Variants in MAGI3 observed in about 807,000 individuals in gnomAD.
MAGI3 encodes the protein membrane-associated guanylate kinase, WW and PDZ domain-containing protein 3.
Under a neutral mutation model 121.8 loss-of-function variants are expected in MAGI3, and 43 were observed. The observed-to-expected ratio is 0.35, with a 90% confidence interval of 0.28 to 0.46. MAGI3 has a LOEUF of 0.46. Ranked by LOEUF, MAGI3 falls within the 20% of genes least tolerant of loss-of-function variation. MAGI3 has a pLI of 1.00. For missense variants in MAGI3, 1,547 were observed against 1,797.3 expected (o/e 0.86, Z 2.52); for synonymous variants, 553 against 639.3 (o/e 0.86, Z 2.04).
chr1:113,550,778 C>T (rs1024008031), intron 2 of MAGI3, among the ~76,000 whole-genome samples: 1 of 148,148 alleles, frequency 6.8e-6, no homozygotes, highest in African/African-American at 2.5e-5. Context: ...AAGAAAAAAA[C>T]GAAAAAAAAT....
chr1:113,542,341 A>G lies in MAGI3; in HGVS notation c.317-7174A>G, dbSNP rs527341018. Among the ~76,000 whole-genome samples, 222 of 79,944 alleles carry G rather than the reference A, an allele frequency of 2.8e-3. 4 individuals carry two copies. Among genetic ancestry groups the G allele is most frequent in the Non-Finnish European group, 9.6e-4 (28 of 29,070 alleles). The allele number at this position is 79,944 out of a possible 152,430, so 52.4% of individuals were successfully genotyped here. On this transcript the variant is annotated intron_variant, in intron 1 of 20. Coordinates refer to ENST00000307546, the MANE Select transcript of MAGI3 (RefSeq NM_001142782.2). ...CCCAGGCGGGATGGAACAGGACGGT[A>G]TGGGAGTTGAGTTCATTGCAGCACT...
Position 113,683,250 on chromosome 1 carries a change from G to A in MAGI3, c.3682G>A (p.Ala1228Thr). 6.2e-7 allele frequency: 1 copy of A among 1,613,092 alleles called. No individual in the cohort carries two copies. The highest frequency in any genetic ancestry group is 1.1e-5 in the South Asian group (1 of 90,816). Residue 1228 changes from alanine (A) to threonine (T), a missense_variant, in exon 21 of 21, where the codon GCC becomes ACC. Ala to Thr is a moderately conservative substitution (Grantham distance 58). Coordinates refer to ENST00000307546, the MANE Select transcript of MAGI3 (RefSeq NM_001142782.2). ...TAGATCGGTTAGTCCCAAAAAGCCA[G>A]CCAGTCAACATTCAGAGGAACATTT... ...RGRSVSPKKP[A>T]SQHSEEHLDK...
intron 1 of MAGI3, among the ~76,000 whole-genome samples, chr1:113,510,461 T>G (rs1657560974): frequency 6.6e-6 from 1 of 151,954 alleles, no homozygotes; most frequent in South Asian, 2.1e-4. Context: ...ACCAAATATC[T>G]GTTTGGTCTT....
At position 113,599,503 on chromosome 1, in the gene MAGI3, C is replaced by A. The variant is rs201531005; in HGVS notation, c.1018+4943C>A. Among the ~76,000 whole-genome samples, 277 of 152,248 alleles carry A rather than the reference C, an allele frequency of 1.8e-3. 3 individuals carry two copies. The East Asian group carries it at 0.037, about 20-fold the overall frequency. On this transcript the variant is annotated intron_variant, in intron 6 of 20. Coordinates refer to ENST00000307546, the MANE Select transcript of MAGI3 (RefSeq NM_001142782.2). The stretch of plus-strand genomic sequence containing the variant: ...GGATAAATTCCTCGACACATACACC[C>A]TCCCAAGACTAAACCAGGAAGAAGT...
chr1:113,673,097 T>C (rs1647662225), intron 18 of MAGI3, among the ~76,000 whole-genome samples: 2 of 152,240 alleles, frequency 1.3e-5, no homozygotes, highest in Non-Finnish European at 2.9e-5. Flanking sequence ...GATTGTTGCA[T>C]TGCACATTGA....
At chr1:113,650,817 A>C (rs1412884781) in intron 13 of MAGI3, among the ~76,000 whole-genome samples, 197 bp from the exon 14 acceptor site, 2 of 152,212 alleles carry the variant, frequency 1.3e-5, no homozygotes, top group Non-Finnish European at 1.5e-5. Context: ...ATAAGGGATT[A>C]CATAATACAA....
chr1:113,671,855 T>C lies in MAGI3; in HGVS notation c.2918+19T>C. On this transcript the variant is annotated intron_variant, in intron 17 of 20. Coordinates refer to ENST00000307546, the MANE Select transcript of MAGI3 (RefSeq NM_001142782.2). ...GGGACAGGTGGGGCTATTTTCAGGTTTTTGTTTTTGTTTTTTTCTTATTCT... is the reference window on the plus strand; with the variant it reads ...GGGACAGGTGGGGCTATTTTCAGGTCTTTGTTTTTGTTTTTTTCTTATTCT... The C allele has an allele frequency of 1.2e-6, 2 of 1,606,774 alleles. No homozygotes were observed. The highest frequency in any genetic ancestry group is 1.7e-6 in the Non-Finnish European group (2 of 1,173,844).
At chr1:113,556,462 T>C (rs1007205437) in intron 2 of MAGI3, among the ~76,000 whole-genome samples, 2 of 151,990 alleles carry the variant, frequency 1.3e-5, no homozygotes, top group African/African-American at 4.8e-5. Flanking sequence ...AGTGAGACTC[T>C]GTCACTACAA....
chr1:113,513,061 C>A (rs374296584), intron 1 of MAGI3, among the ~76,000 whole-genome samples: 13 of 152,194 alleles, frequency 8.5e-5, no homozygotes, highest in East Asian at 3.9e-4. Flanking sequence ...TAGGAATCCA[C>A]CTTACAAGGG....
intron 6 of MAGI3, 37 bp downstream of exon 6, chr1:113,594,597 T>C (rs1448465362): frequency 6.5e-7 from 1 of 1,528,382 alleles, no homozygotes; most frequent in South Asian, 1.2e-5. Context: ...ATACTTATTC[T>C]CTTAATCCTT....
chr1:113,444,769 A>G (rs979451112), intron 1 of MAGI3, among the ~76,000 whole-genome samples: 3 of 152,204 alleles, frequency 2.0e-5, no homozygotes, highest in African/African-American at 7.2e-5. Flanking sequence ...CTCTTCCTGA[A>G]AAAGACCTCA....
intron 1 of MAGI3, among the ~76,000 whole-genome samples, chr1:113,431,918 G>A (rs1653318983): frequency 8.7e-6 from 1 of 114,744 alleles, no homozygotes; most frequent in Admixed American, 8.5e-5. Context: ...TTAGGGAGCA[G>A]GCACTTGATC....
intron 6 of MAGI3, among the ~76,000 whole-genome samples, chr1:113,599,117 G>A (rs944727017): frequency 3.3e-5 from 5 of 151,922 alleles, no homozygotes; most frequent in African/African-American, 4.8e-5. Context: ...AGAGAAAGCA[G>A]GAAAGAGCCA....
At position 113,602,158 on chromosome 1, in the gene MAGI3, CACATGTAT is replaced by C. The variant is rs1268471524; in HGVS notation, c.1018+7603_1018+7610del. Among the ~76,000 whole-genome samples the C allele has an allele frequency of 6.6e-5, 10 of 152,060 alleles. No homozygotes were observed. In the East Asian group the frequency reaches 1.9e-3, roughly 29 times the overall value. On this transcript the variant is annotated intron_variant, in intron 6 of 20. Coordinates refer to ENST00000307546, the MANE Select transcript of MAGI3 (RefSeq NM_001142782.2). The stretch of plus-strand genomic sequence containing the variant: ...TAATGGGTGCAGCACACCAGCATGT[CACATGTAT>C]ACATATGTAACTAACCTGCACATTG...
At chr1:113,401,908 G>A (rs1651425165) in intron 1 of MAGI3, among the ~76,000 whole-genome samples, 1 of 152,156 alleles carries the variant, frequency 6.6e-6, no homozygotes, top group Non-Finnish European at 1.5e-5. Flanking sequence ...GGTAAAGCAG[G>A]TTGTGGATTG....
chr1:113,410,831 G>C (rs1651937531), intron 1 of MAGI3, among the ~76,000 whole-genome samples: 1 of 152,098 alleles, frequency 6.6e-6, no homozygotes, highest in Non-Finnish European at 1.5e-5. Flanking sequence ...AGGATGCCTA[G>C]TAGCTATAGG....
intron 1 of MAGI3, among the ~76,000 whole-genome samples, chr1:113,490,806 A>G (rs1656633649): frequency 6.6e-6 from 1 of 152,222 alleles, no homozygotes; most frequent in South Asian, 2.1e-4. Context: ...ACATAATGAT[A>G]AAGGGTTCAA....
At chr1:113,507,253 C>T (rs970018111) in intron 1 of MAGI3, among the ~76,000 whole-genome samples, 4 of 152,146 alleles carry the variant, frequency 2.6e-5, no homozygotes, top group Non-Finnish European at 4.4e-5. Flanking sequence ...TGTGAGGAAA[C>T]TACTAGTATA....
intron 9 of MAGI3, among the ~76,000 whole-genome samples, chr1:113,638,471 C>T (rs34163171): frequency 6.6e-6 from 1 of 152,250 alleles, no homozygotes; most frequent in South Asian, 2.1e-4. Context: ...AGCTGCAAGT[C>T]TGTTGGAGTT....
Sources: gnomAD v4.1 joint callset for allele counts (sites outside exome capture counted in the v4.1 genomes callset) on GRCh38, gnomAD v4.1.1 for gene constraint, MANE v1.5 for transcripts, NCBI Gene and HGNC (gene_info 2026-07-23, HGNC 2026-07-21) for gene names.